The following PTPRT variants were observed in gnomAD, a reference collection of about 807,000 sequenced individuals.
The protein encoded by PTPRT is protein tyrosine phosphatase receptor type T, also known as receptor-type tyrosine-protein phosphatase T.
PTPRT carries 56 observed loss-of-function variants against 176.8 expected under a neutral mutation model. The observed-to-expected ratio is 0.32, with a 90% CI of 0.26 to 0.40. The LOEUF (loss-of-function observed/expected upper bound fraction) is 0.40, where lower values mean the gene tolerates loss of function less well. PTPRT is among the 10% of genes least tolerant of loss of function. PTPRT has a pLI of 1.00. For synonymous variants in PTPRT, 783 were observed against 739.0 expected (o/e 1.06, Z -0.96); for missense variants, 1,540 against 1,908.2 (o/e 0.81, Z 3.60).
chr20:42,115,158 C>G, intron 22 of PTPRT, 41 bp downstream of exon 22: 1 of 1,451,980 alleles, frequency 6.9e-7, no homozygotes, highest in African/African-American at 1.4e-5. Flanking sequence ...CAAGCTGGCT[C>G]TCATGGTGGA....
At chr20:42,920,336 G>A (rs1019191565) in intron 1 of PTPRT, among the ~76,000 whole-genome samples, 1 of 152,110 alleles carries the variant, frequency 6.6e-6, no homozygotes, top group African/African-American at 2.4e-5. Context: ...TAAAGTTATA[G>A]AGACTGAAAA....
At chr20:42,344,155 C>T (rs898897596) in intron 11 of PTPRT, among the ~76,000 whole-genome samples, 1 of 152,220 alleles carries the variant, frequency 6.6e-6, no homozygotes, top group Non-Finnish European at 1.5e-5. Flanking sequence ...CTGCCTTAGC[C>T]TCCCAAAGTG....
chr20:42,668,961 C>T (rs1042834633), intron 7 of PTPRT, among the ~76,000 whole-genome samples: 2 of 149,990 alleles, frequency 1.3e-5, no homozygotes, highest in Admixed American at 1.3e-4. Context: ...CCGCCCGCCT[C>T]GGCCTCCCAA....
intron 1 of PTPRT, among the ~76,000 whole-genome samples, chr20:42,928,747 C>T (rs955992834): frequency 2.0e-5 from 3 of 152,170 alleles, no homozygotes; most frequent in African/African-American, 7.2e-5. Context: ...CCCATCCCTA[C>T]CCACCTTCTC....
At chr20:42,710,321 C>T (rs1182365906) in intron 6 of PTPRT, among the ~76,000 whole-genome samples, 2 of 152,210 alleles carry the variant, frequency 1.3e-5, no homozygotes. Context: ...CCCCTCCCAT[C>T]ACAGGCCCAG....
At chr20:42,789,933 G>A (rs2077348077) in intron 3 of PTPRT, among the ~76,000 whole-genome samples, 1 of 152,154 alleles carries the variant, frequency 6.6e-6, no homozygotes, top group Non-Finnish European at 1.5e-5. Flanking sequence ...ATATTAACTT[G>A]GAGAATGTCT....
chr20:42,938,960 G>A (rs766378607), intron 1 of PTPRT, among the ~76,000 whole-genome samples: 5 of 152,250 alleles, frequency 3.3e-5, no homozygotes, highest in African/African-American at 4.8e-5. Context: ...ACTTACTGGC[G>A]GCAGTTTAAA....
intron 13 of PTPRT, among the ~76,000 whole-genome samples, chr20:42,259,046 G>C (rs1336486092): frequency 1.3e-5 from 2 of 152,170 alleles, no homozygotes; most frequent in African/African-American, 2.4e-5. Context: ...TTTCGGCCTC[G>C]AATGGAGGTT....
chr20:43,178,082 G>T (rs2015161799), intron 1 of PTPRT, among the ~76,000 whole-genome samples: 1 of 152,190 alleles, frequency 6.6e-6, no homozygotes, highest in Non-Finnish European at 1.5e-5. Context: ...TTGGTTGGGT[G>T]TTTGCGTGAT....
At chr20:42,157,631 C>CGG (rs1165399007) in intron 17 of PTPRT, among the ~76,000 whole-genome samples, 1 of 152,098 alleles carries the variant, frequency 6.6e-6, no homozygotes, top group African/African-American at 2.4e-5. Context: ...TCTTCCCCCC[C>CGG]CAATATTTCT....
intron 7 of PTPRT, among the ~76,000 whole-genome samples, chr20:42,478,099 G>A (rs1397701851): frequency 1.3e-5 from 2 of 152,192 alleles, no homozygotes; most frequent in African/African-American, 4.8e-5. Flanking sequence ...GCCTAAGGAT[G>A]GCCAAAGGAT....
intron 7 of PTPRT, among the ~76,000 whole-genome samples, chr20:42,623,365 C>T (rs974914066): frequency 1.3e-5 from 2 of 152,216 alleles, no homozygotes; most frequent in African/African-American, 4.8e-5. Context: ...TGTCTGTGTG[C>T]TCCCCCTCCC....
At chr20:42,830,377 G>T (rs914848308) in intron 2 of PTPRT, among the ~76,000 whole-genome samples, 2 of 152,152 alleles carry the variant, frequency 1.3e-5, no homozygotes, top group African/African-American at 4.8e-5. Flanking sequence ...TGCAGACGAG[G>T]CTTTCAATAA....
the PTPRT span, among the ~76,000 whole-genome samples, chr20:42,057,597 T>A: frequency 7.1e-6 from 1 of 140,226 alleles, no homozygotes; most frequent in Non-Finnish European, 1.6e-5. Context: ...TGTTCTTATC[T>A]TTTTTTTTAG....
intron 1 of PTPRT, among the ~76,000 whole-genome samples, chr20:42,920,198 T>C (rs551426926): frequency 6.6e-6 from 1 of 152,304 alleles, no homozygotes; most frequent in African/African-American, 2.4e-5. Context: ...TTGTGGGAGA[T>C]CCTTGCCACG....
rs572278235 is a variant in PTPRT at position 42,388,577 on chromosome 20, T to C, written c.1561-36292A>G. 3.5e-4 allele frequency among the ~76,000 whole-genome samples: 54 copies of C among 152,268 alleles called. No homozygotes were observed. In the East Asian group the frequency reaches 9.6e-3, roughly 27 times the overall value. On this transcript the variant is annotated intron_variant, in intron 9 of 30. Transcript: ENST00000373187. ...AATGCAAATCAAAACCACAATGAGATACCATCTCACACCAGTTAGAATGGC... is the reference window on the plus strand; with the variant it reads ...AATGCAAATCAAAACCACAATGAGACACCATCTCACACCAGTTAGAATGGC...
At chr20:42,098,598 T>G in intron 26 of PTPRT, 46 bp from the exon 27 acceptor site, 2 of 1,609,188 alleles carry the variant, frequency 1.2e-6, no homozygotes, top group Non-Finnish European at 8.5e-7. Flanking sequence ...CATCCATCAG[T>G]GATATTCTGA....
chr20:42,743,377 G>C (rs1003688243), intron 6 of PTPRT, among the ~76,000 whole-genome samples: 1 of 152,162 alleles, frequency 6.6e-6, no homozygotes, highest in East Asian at 1.9e-4. Flanking sequence ...ATGGGTTAGG[G>C]GGGAAAAAAG....
rs3084622 is a variant in PTPRT, at chr20:42,083,118, C to CAAAAAAA, written c.4137-1108_4137-1102dup. 9.5e-4 allele frequency among the ~76,000 whole-genome samples: 57 copies of CAAAAAAA among 60,030 alleles called. 5 individuals carry two copies. Among genetic ancestry groups the CAAAAAAA allele is most frequent in the South Asian group, 3.3e-3 (3 of 898 alleles). 39.4% of individuals were successfully genotyped at this position (60,030 alleles called of 152,430 possible). A position where few individuals can be genotyped will look rare whatever the true frequency, so the allele number is the denominator to read the frequency against. ...GGACATAGATAAAAAGACACTAGTG[C>CAAAAAAA]AAAAAAAAAAAAAAAAAAGCAGGCT... On this transcript the variant is annotated intron_variant, in intron 29 of 30. Coordinates refer to ENST00000373187, the MANE Select transcript of PTPRT (RefSeq NM_007050.6).
Sources: gnomAD v4.1 joint callset for allele counts (sites outside exome capture counted in the v4.1 genomes callset) on GRCh38, gnomAD v4.1.1 for gene constraint, MANE v1.5 for transcripts, NCBI Gene and HGNC (gene_info 2026-07-23, HGNC 2026-07-21) for gene names.